ACAP2: variants seen among roughly 807,000 people sequenced by gnomAD.
ACAP2 encodes the protein arf-GAP with coiled-coil, ANK repeat and PH domain-containing protein 2.
Under a neutral mutation model 115.8 loss-of-function variants are expected in ACAP2, and 39 were observed. That is an observed-to-expected ratio of 0.34 (90% CI 0.26 to 0.44). The LOEUF is 0.44. Ranked by LOEUF, ACAP2 falls within the 20% of genes least tolerant of loss-of-function variation. The probability of loss-of-function intolerance (pLI) is 1.00; values close to 1 mark genes in which losing one functional copy is unlikely to be tolerated. For missense variants in ACAP2, 662 were observed against 927.6 expected, an observed-to-expected ratio of 0.71 and a Z score of 3.72; for synonymous variants, 289 against 315.8, an observed-to-expected ratio of 0.92 and a Z score of 0.90.
chr3:195,434,224 T>A (rs1344964262), intron 1 of ACAP2, among the ~76,000 whole-genome samples: 1 of 151,170 alleles, frequency 6.6e-6, no homozygotes, highest in Non-Finnish European at 1.5e-5. Flanking sequence ...CCGCCATGTT[T>A]GGCCTGGTTT....
intron 2 of ACAP2, among the ~76,000 whole-genome samples, chr3:195,386,775 T>C (rs1734334205): frequency 6.6e-6 from 1 of 151,396 alleles, no homozygotes; most frequent in Non-Finnish European, 1.5e-5. Context: ...ATTCTGTACA[T>C]GTATCCCAGA....
intron 1 of ACAP2, among the ~76,000 whole-genome samples, chr3:195,434,232 TTTTG>T (rs1157404154): frequency 6.7e-6 from 1 of 149,986 alleles, no homozygotes; most frequent in African/African-American, 2.5e-5. Flanking sequence ...TTTGGCCTGG[TTTTG>T]TTTTTTTGTT....
At chr3:195,334,748 A>G (rs1361624505) in intron 7 of ACAP2, among the ~76,000 whole-genome samples, 1 of 152,158 alleles carries the variant, frequency 6.6e-6, no homozygotes, top group African/African-American at 2.4e-5. Flanking sequence ...TTTTCACACA[A>G]TATTAGGGGA....
intron 20 of ACAP2, among the ~76,000 whole-genome samples, chr3:195,289,764 C>A (rs543885980): frequency 5.4e-5 from 8 of 147,296 alleles, no homozygotes; most frequent in African/African-American, 1.5e-4. Context: ...CGAGATCACA[C>A]CACTGCACTC....
intron 4 of ACAP2, among the ~76,000 whole-genome samples, chr3:195,370,507 C>T (rs1365473831): frequency 2.6e-5 from 4 of 152,134 alleles, no homozygotes; most frequent in East Asian, 1.9e-4. Context: ...GAAGTCCTTT[C>T]CCTCATTACT....
At chr3:195,345,222 A>G (rs772963318) in intron 5 of ACAP2, 37 bp downstream of exon 5, 3 of 1,379,500 alleles carry the variant, frequency 2.2e-6, no homozygotes, top group Admixed American at 3.4e-5. Flanking sequence ...ATCATTAACT[A>G]GTTAATTTTC....
intron 1 of ACAP2, among the ~76,000 whole-genome samples, chr3:195,415,641 G>A (rs1223913977): frequency 6.6e-6 from 1 of 152,054 alleles, no homozygotes; most frequent in Non-Finnish European, 1.5e-5. Flanking sequence ...TTATTAAAGA[G>A]ATACCAGATA....
intron 4 of ACAP2, among the ~76,000 whole-genome samples, chr3:195,365,902 C>T (rs908434233): frequency 3.4e-5 from 5 of 147,784 alleles, no homozygotes; most frequent in Admixed American, 1.4e-4. Context: ...GTGTAGGTGG[C>T]GCGACCTTAG....
intron 1 of ACAP2, among the ~76,000 whole-genome samples, chr3:195,399,962 T>G (rs1712131251): frequency 6.6e-6 from 1 of 152,056 alleles, no homozygotes; most frequent in Non-Finnish European, 1.5e-5. Flanking sequence ...GAGGATCACC[T>G]GAGGTTGGGA....
chr3:195,337,811 T>C (rs985076019), intron 6 of ACAP2, among the ~76,000 whole-genome samples: 4 of 152,370 alleles, frequency 2.6e-5, no homozygotes, highest in African/African-American at 7.2e-5. Flanking sequence ...CTTCCTACCA[T>C]GGCCGGCAAG....
rs185543443 is a variant in ACAP2 at position 195,367,712 on chromosome 3, T to C, written c.285+13297A>G. On this transcript the variant is annotated intron_variant, in intron 4 of 22. Transcript: ENST00000326793. Reference sequence around the variant, plus strand: ...TGATTTCACATTCGTGAAGGCCAACTATCACATTAAGAAGTCTGACTAGCC... The same window carrying C: ...TGATTTCACATTCGTGAAGGCCAACCATCACATTAAGAAGTCTGACTAGCC... Among the ~76,000 whole-genome samples the C allele has an allele frequency of 4.5e-4, 69 of 152,308 alleles. 1 individual carries two copies. The highest frequency in any genetic ancestry group is 3.4e-3 in the Middle Eastern group (1 of 294).
intron 4 of ACAP2, among the ~76,000 whole-genome samples, chr3:195,368,905 G>A (rs544413099): frequency 2.6e-5 from 4 of 152,232 alleles, no homozygotes; most frequent in East Asian, 1.9e-4. Flanking sequence ...CCAACATGGC[G>A]AAACCCTATC....
In ACAP2 at chr3:195,279,250, C is replaced by A; in HGVS notation, c.*78G>T. The A allele has an allele frequency of 2.3e-6, 2 of 852,208 alleles. No individual in the cohort carries two copies. Among genetic ancestry groups the A allele is most frequent in the Non-Finnish European group, 3.7e-6 (2 of 538,832 alleles). The allele number at this position is 852,208 out of a possible 1,614,324, so 52.8% of individuals were successfully genotyped here. A position where few individuals can be genotyped will look rare whatever the true frequency, so the allele number is the denominator to read the frequency against. ...CTACCAAAATTAAGTAGAATTAAAG[C>A]AGTAAAAAAATTGTGATTTTTTAGC... On this transcript the variant is annotated 3_prime_UTR_variant, in exon 23 of 23. Coordinates refer to ENST00000326793, the MANE Select transcript of ACAP2 (RefSeq NM_012287.6).
At chr3:195,371,488 A>C (rs7627671) in intron 4 of ACAP2, among the ~76,000 whole-genome samples, 45,916 of 151,908 alleles carry the variant, frequency 0.3, 7,995 homozygotes, top group East Asian at 0.82. Flanking sequence ...TATAGCATCA[A>C]GTCATCTGCA....
At chr3:195,295,925 T>C in intron 16 of ACAP2, 33 bp from the exon 17 acceptor site, 1 of 1,572,976 alleles carries the variant, frequency 6.4e-7, no homozygotes, top group Non-Finnish European at 8.6e-7. Flanking sequence ...GATGTTTTGC[T>C]TAATCTCTCA....
chr3:195,442,101 G>A (rs1716041027), intron 1 of ACAP2: 1 of 152,510 alleles, frequency 6.6e-6, no homozygotes. Context: ...CCTCTCGACA[G>A]CTGTGCCCCC....
chr3:195,419,729 G>A (rs1714018483), intron 1 of ACAP2, among the ~76,000 whole-genome samples: 1 of 151,742 alleles, frequency 6.6e-6, no homozygotes, highest in South Asian at 2.1e-4. Context: ...TTTATTCTAG[G>A]GAAATGTATG....
chr3:195,381,889 T>A lies in ACAP2; in HGVS notation c.231+14A>T. ...TTTTTTTTCATTTTTAACTGCAATT[T>A]TAGTAATACTAACCTCAACGACAGC... On this transcript the variant is annotated intron_variant, in intron 3 of 22. Coordinates refer to ENST00000326793, the MANE Select transcript of ACAP2 (RefSeq NM_012287.6). 6.4e-7 allele frequency: 1 copy of A among 1,568,696 alleles called. No homozygotes were observed. The highest frequency in any genetic ancestry group is 8.6e-7 in the Non-Finnish European group (1 of 1,163,824).
chr3:195,278,354 G>A lies in ACAP2; in HGVS notation c.*974C>T, dbSNP rs545115068. The A allele has an allele frequency of 7.2e-5, 11 of 152,180 alleles. No individual in the cohort carries two copies. Among genetic ancestry groups the A allele is most frequent in the African/African-American group, 2.6e-4 (11 of 41,530 alleles). The allele number at this position is 152,180 out of a possible 1,614,324, so 9.4% of individuals were successfully genotyped here. ...TTAGTATTAACTAAGAATAAGTGGG[G>A]TTCTTTTTCTCCTTTGTACAGAGAT... is the stretch of plus-strand genomic sequence containing the variant. On this transcript the variant is annotated 3_prime_UTR_variant, in exon 23 of 23. Transcript: ENST00000326793.
Sources: gnomAD v4.1 joint callset for allele counts (sites outside exome capture counted in the v4.1 genomes callset) on GRCh38, gnomAD v4.1.1 for gene constraint, MANE v1.5 for transcripts, NCBI Gene and HGNC (gene_info 2026-07-23, HGNC 2026-07-21) for gene names.